Variants in GULP1 observed in about 807,000 individuals in gnomAD.
GULP1 encodes the protein PTB domain-containing engulfment adapter protein 1.
Under a neutral mutation model 40.9 loss-of-function variants are expected in GULP1, and 19 were observed. The ratio of observed to expected loss-of-function variants is 0.46; its 90% CI spans 0.32 to 0.68. The LOEUF is 0.68. Ranked by LOEUF, GULP1 falls within the 30% of genes least tolerant of loss-of-function variation. The pLI, the probability that GULP1 is intolerant of heterozygous loss-of-function variation, is 0.03. For missense variants in GULP1, 312 were observed against 362.2 expected (o/e 0.86, Z 1.12); for synonymous variants, 119 against 117.6 (o/e 1.01, Z -0.08).
intron 7 of GULP1, among the ~76,000 whole-genome samples, chr2:188,559,788 A>G (rs1351479757): frequency 6.6e-6 from 1 of 152,188 alleles, no homozygotes; most frequent in Non-Finnish European, 1.5e-5. Flanking sequence ...TGCAGCTCCC[A>G]TAATTGCCAC....
chr2:188,309,425 C>T (rs545937751), intron 1 of GULP1, among the ~76,000 whole-genome samples: 1 of 152,238 alleles, frequency 6.6e-6, no homozygotes, highest in South Asian at 2.1e-4. Flanking sequence ...GAGATCACAC[C>T]ACTGCACTTC....
At chr2:188,482,865 C>A (rs1010557016) in intron 3 of GULP1, among the ~76,000 whole-genome samples, 6 of 151,610 alleles carry the variant, frequency 4.0e-5, no homozygotes, top group Non-Finnish European at 5.9e-5. Context: ...AGTGTTTCCT[C>A]AAATTTAGAA....
chr2:188,314,085 ACTGT>A (rs762275442), intron 1 of GULP1, among the ~76,000 whole-genome samples: 16 of 151,912 alleles, frequency 1.1e-4, no homozygotes, highest in Non-Finnish European at 1.9e-4. Context: ...AAGTCTTAAC[ACTGT>A]CTGTAGAGTC....
intron 9 of GULP1, among the ~76,000 whole-genome samples, chr2:188,571,431 AT>A (rs1699014515): frequency 6.6e-6 from 1 of 152,158 alleles, no homozygotes; most frequent in Non-Finnish European, 1.5e-5. Context: ...TCCACCTCCC[AT>A]TTGAAAGAGT....
At chr2:188,553,868 T>C (rs1411623200) in intron 7 of GULP1, among the ~76,000 whole-genome samples, 1 of 152,034 alleles carries the variant, frequency 6.6e-6, no homozygotes, top group African/African-American at 2.4e-5. Context: ...TCTTCCTGAT[T>C]CACTTTTGTT....
chr2:188,541,244 A>C lies in GULP1; in HGVS notation c.325A>C (p.Arg109=). The C allele has an allele frequency of 6.2e-7, 1 of 1,611,108 alleles. No individual in the cohort carries two copies. ...TTGTGCAGATGATAAAACTGACAAG[A>C]GGATATTCACTTTCATATGCAAAGA... ...SFCADDKTDK[R]IFTFICKDSE... Residue 109 remains arginine (R), a synonymous_variant, in exon 7 of 12, where the codon AGG becomes CGG. Coordinates refer to ENST00000409830, the MANE Select transcript of GULP1 (RefSeq NM_016315.4).
intron 1 of GULP1, chr2:188,297,704 T>A: frequency 3.9e-6 from 1 of 256,228 alleles, no homozygotes; most frequent in Non-Finnish European, 8.2e-6. Flanking sequence ...ATCTACTGAC[T>A]GAATCATTAA....
intron 11 of GULP1, chr2:188,593,228 G>C (rs1337480887): frequency 6.6e-6 from 1 of 152,004 alleles, no homozygotes; most frequent in Non-Finnish European, 1.5e-5. Context: ...AAAAAAAAGA[G>C]ATTGGAGTGA....
chr2:188,483,508 T>A lies in GULP1; in HGVS notation c.90+16T>A, dbSNP rs1412649483. On this transcript the variant is annotated intron_variant, in intron 4 of 11. Transcript: ENST00000409830. ...TAATGCAAAGGTAAAAATAGTTCAT[T>A]TATTATTTAATTTTATTTTGTTATA... The A allele has an allele frequency of 8.8e-7, 1 of 1,135,780 alleles. No homozygotes were observed. The highest frequency in any genetic ancestry group is 2.5e-5 in the East Asian group (1 of 39,896). 70.4% of individuals were successfully genotyped at this position (1,135,780 alleles called of 1,614,324 possible).
chr2:188,361,834 TA>T (rs919123021), intron 1 of GULP1, among the ~76,000 whole-genome samples: 1 of 152,136 alleles, frequency 6.6e-6, no homozygotes, highest in Admixed American at 6.6e-5. Context: ...TTTCTTTTAA[TA>T]AATGTATGTC....
At chr2:188,494,646 C>T (rs994343229) in intron 4 of GULP1, among the ~76,000 whole-genome samples, 16 of 151,818 alleles carry the variant, frequency 1.1e-4, no homozygotes, top group African/African-American at 3.6e-4. Context: ...AAAAGAGGAG[C>T]GAGCATTTTT....
intron 6 of GULP1, among the ~76,000 whole-genome samples, chr2:188,539,242 T>C (rs1427460730): frequency 2.0e-5 from 3 of 152,134 alleles, no homozygotes. Context: ...GAGAAATGAA[T>C]TTTTTTCCTA....
intron 9 of GULP1, among the ~76,000 whole-genome samples, chr2:188,574,703 A>C (rs1252907583): frequency 6.6e-6 from 1 of 152,166 alleles, no homozygotes; most frequent in Non-Finnish European, 1.5e-5. Context: ...TAACTAAAAA[A>C]TGACAAGCCA....
At chr2:188,419,857 A>G (rs1475773674) in intron 2 of GULP1, among the ~76,000 whole-genome samples, 2 of 152,078 alleles carry the variant, frequency 1.3e-5, no homozygotes, top group African/African-American at 4.8e-5. Context: ...TCCTTAATCT[A>G]TTTTGAGTTG....
At chr2:188,482,353 A>T (rs2061505165) in intron 3 of GULP1, among the ~76,000 whole-genome samples, 1 of 151,970 alleles carries the variant, frequency 6.6e-6, no homozygotes, top group Non-Finnish European at 1.5e-5. Flanking sequence ...TCCAAATTTA[A>T]TGTTGAAACT....
intron 2 of GULP1, among the ~76,000 whole-genome samples, chr2:188,432,828 T>G (rs1246537161): frequency 1.3e-5 from 2 of 152,124 alleles, no homozygotes; most frequent in Non-Finnish European, 1.5e-5. Context: ...GCCAATTTGG[T>G]ACCTCGTGGC....
chr2:188,514,369 T>C (rs1472087447), intron 4 of GULP1, among the ~76,000 whole-genome samples: 1 of 152,128 alleles, frequency 6.6e-6, no homozygotes, highest in African/African-American at 2.4e-5. Context: ...TATGGTAAAA[T>C]TGGTTGTGTT....
Position 188,484,597 on chromosome 2 carries a change from T to TAA in GULP1, c.90+1105_90+1106insAA, listed in dbSNP as rs778026845. Among the ~76,000 whole-genome samples the TAA allele has an allele frequency of 3.1e-3, 467 of 152,282 alleles. 3 individuals carry two copies. Among genetic ancestry groups the TAA allele is most frequent in the Non-Finnish European group, 5.6e-3 (381 of 68,020 alleles). ...GTTTATGGATTAGTGAAGTATACAC[T>TAA]GGGATACAGTGAGATTAGGCATAGC... On this transcript the variant is annotated intron_variant, in intron 4 of 11. Coordinates refer to ENST00000409830, the MANE Select transcript of GULP1 (RefSeq NM_016315.4).
At chr2:188,499,164 T>TATAC (rs1553571384) in intron 4 of GULP1, among the ~76,000 whole-genome samples, 7 of 141,490 alleles carry the variant, frequency 4.9e-5, no homozygotes, top group African/African-American at 1.8e-4. Context: ...TATATATATA[T>TATAC]ATATATGAAC....
Sources: gnomAD v4.1 joint callset for allele counts (sites outside exome capture counted in the v4.1 genomes callset) on GRCh38, gnomAD v4.1.1 for gene constraint, MANE v1.5 for transcripts, NCBI Gene and HGNC (gene_info 2026-07-23, HGNC 2026-07-21) for gene names.